Variants in SUSD1 observed in about 807,000 individuals in gnomAD.
SUSD1 encodes sushi domain-containing protein 1.
A neutral mutation model predicts 86.9 loss-of-function variants in SUSD1; 65 were observed. The ratio of observed to expected loss-of-function variants is 0.75; its 90% confidence interval spans 0.61 to 0.92. The LOEUF is 0.92. Ranked by LOEUF, SUSD1 falls within the 40% of genes least tolerant of loss-of-function variation. SUSD1 has a pLI of 0.00. For synonymous variants in SUSD1, 346 were observed against 350.0 expected, an observed-to-expected ratio of 0.99 and a Z score of 0.13; for missense variants, 850 against 929.7, an observed-to-expected ratio of 0.91 and a Z score of 1.11.
At chr9:112,104,842 G>T (rs1830770716) in intron 8 of SUSD1, 1 of 152,092 alleles carries the variant, frequency 6.6e-6, no homozygotes, top group Non-Finnish European at 1.5e-5. Flanking sequence ...GAATGGGGGG[G>T]AAAAACTGCA....
At chr9:112,068,069 G>A (rs547552307) in intron 12 of SUSD1, among the ~76,000 whole-genome samples, 1 of 152,268 alleles carries the variant, frequency 6.6e-6, no homozygotes, top group South Asian at 2.1e-4. Context: ...GTGCTAGGCT[G>A]GGGGAGACAA....
intron 5 of SUSD1, among the ~76,000 whole-genome samples, chr9:112,134,678 T>G (rs1832181075): frequency 6.6e-6 from 1 of 151,918 alleles, no homozygotes. Context: ...ACAGGATCAT[T>G]CATATCCCAA....
At chr9:112,161,820 C>CAAAAA (rs11354546) in intron 1 of SUSD1, among the ~76,000 whole-genome samples, 2 of 119,572 alleles carry the variant, frequency 1.7e-5, no homozygotes. Context: ...AGACTCCATC[C>CAAAAA]AAAAAAAAAA....
intron 1 of SUSD1, among the ~76,000 whole-genome samples, chr9:112,172,968 G>C (rs1834108295): frequency 6.6e-6 from 1 of 152,172 alleles, no homozygotes; most frequent in South Asian, 2.1e-4. Context: ...AGGAAGCCTT[G>C]ACTTCTGTTT....
chr9:112,064,853 G>A (rs902367311), intron 12 of SUSD1, among the ~76,000 whole-genome samples: 2 of 149,134 alleles, frequency 1.3e-5, no homozygotes, highest in Admixed American at 6.6e-5. Flanking sequence ...TCCAGCCTGG[G>A]TGACAGAGTG....
chr9:112,093,598 C>G lies in SUSD1; in HGVS notation c.1474+4872G>C, dbSNP rs540024818. 3.9e-5 allele frequency among the ~76,000 whole-genome samples: 6 copies of G among 152,276 alleles called. No homozygotes were observed. The East Asian group carries it at 1.2e-3, about 29-fold the overall frequency. On this transcript the variant is annotated intron_variant, in intron 10 of 16. Transcript: ENST00000374270. ...CTGAAATTCAGTTTTGGAGAGAGTT[C>G]CTGGAAACTTGCCCAGATCAATAAA...
chr9:112,122,872 A>T (rs1440331018), intron 6 of SUSD1, among the ~76,000 whole-genome samples: 1 of 152,222 alleles, frequency 6.6e-6, no homozygotes, highest in Non-Finnish European at 1.5e-5. Context: ...GCCAGTCTCA[A>T]ATGAACAAGT....
At chr9:112,084,033 G>A (rs1007978716) in intron 10 of SUSD1, among the ~76,000 whole-genome samples, 4 of 152,176 alleles carry the variant, frequency 2.6e-5, no homozygotes, top group Non-Finnish European at 5.9e-5. Flanking sequence ...ACAGCACTAT[G>A]AGCAACTATG....
At chr9:112,102,621 A>C (rs1830677516) in intron 8 of SUSD1, among the ~76,000 whole-genome samples, 1 of 152,236 alleles carries the variant, frequency 6.6e-6, no homozygotes, top group East Asian at 1.9e-4. Context: ...TAGAAAGTTA[A>C]TCCTATCGCT....
intron 1 of SUSD1, among the ~76,000 whole-genome samples, chr9:112,162,645 T>C (rs1269084393): frequency 6.6e-6 from 1 of 152,200 alleles, no homozygotes; most frequent in Non-Finnish European, 1.5e-5. Flanking sequence ...CTTAAAGCTG[T>C]TGGAACTTTA....
rs530701841 is a variant in SUSD1 at position 112,078,296 on chromosome 9, A to T, written c.1753+242T>A. Among the ~76,000 whole-genome samples the T allele has an allele frequency of 6.6e-5, 10 of 152,322 alleles. No individual in the cohort carries two copies. The South Asian group carries it at 1.7e-3, about 25-fold the overall frequency. ...CAGGTCAAGGCTGCAGTGAGCCATG[A>T]TCGTGCCTCTGCACTCCAGCCTGGG... On this transcript the variant is annotated intron_variant, in intron 12 of 16. Transcript: ENST00000374270.
At position 112,149,320 on chromosome 9, in the gene SUSD1, A is replaced by G. The variant is rs145410238; in HGVS notation, c.297T>C (p.Tyr99=). The G allele has an allele frequency of 1.1e-3, 1,818 of 1,614,174 alleles. 2 individuals carry two copies. The highest frequency in any genetic ancestry group is 1.5e-3 in the Non-Finnish European group (1,748 of 1,180,030). Reference sequence around the variant, plus strand: ...CTCGATATCCTTCCAGGCAAATGCAATAGAAGCCCCCGGGGGTGTTGTGGC... The same window carrying G: ...CTCGATATCCTTCCAGGCAAATGCAGTAGAAGCCCCCGGGGGTGTTGTGGC... ...TSCHNTPGGF[Y]CICLEGYRAT... is the part of the protein sequence containing the mutation. Residue 99 remains tyrosine, a synonymous_variant, in exon 3 of 17, where the codon TAT becomes TAC. Transcript: ENST00000374270.
At chr9:112,147,237 T>G (rs957268660) in intron 3 of SUSD1, among the ~76,000 whole-genome samples, 3 of 152,202 alleles carry the variant, frequency 2.0e-5, no homozygotes, top group Non-Finnish European at 4.4e-5. Context: ...CCAGGCGTGG[T>G]GGCTCACGTC....
chr9:112,058,481 T>A lies in SUSD1; in HGVS notation c.2056A>T (p.Lys686Ter). 1 of 1,614,156 alleles carries A rather than the reference T, an allele frequency of 6.2e-7. No homozygotes were observed. Among genetic ancestry groups the A allele is most frequent in the South Asian group, 1.1e-5 (1 of 91,086 alleles). ...ATAATGCAGTAATCACTCCCTCTTT[T>A]CAAGGGTGCATTATAATATTCCCCA... ...YYGEYYNAPL[K>*]RGSDYCIILR... is the part of the protein sequence containing the mutation. The change falls in exon 14 of 17, where the codon AAA becomes TAA. Residue 686 changes from lysine to a stop codon, truncating the protein, a stop_gained. Transcript: ENST00000374270. LOFTEE classifies it high-confidence loss of function.
At chr9:112,150,600 A>C (rs1288877408) in intron 2 of SUSD1, among the ~76,000 whole-genome samples, 1 of 152,202 alleles carries the variant, frequency 6.6e-6, no homozygotes, top group African/African-American at 2.4e-5. Flanking sequence ...GATTGTGGGA[A>C]CATCATAGGG....
intron 5 of SUSD1, among the ~76,000 whole-genome samples, chr9:112,130,263 C>T (rs1025601577): frequency 6.6e-6 from 1 of 152,002 alleles, no homozygotes; most frequent in Non-Finnish European, 1.5e-5. Flanking sequence ...ATCCCAGCTA[C>T]CTGGTAGGTT....
intron 12 of SUSD1, among the ~76,000 whole-genome samples, chr9:112,070,779 G>A (rs560737335): frequency 4.7e-4 from 71 of 152,216 alleles, no homozygotes; most frequent in African/African-American, 1.4e-3. Context: ...TAAAGTACAC[G>A]CACAGGACAG....
intron 8 of SUSD1, among the ~76,000 whole-genome samples, chr9:112,106,262 C>T (rs1830835650): frequency 6.6e-6 from 1 of 151,928 alleles, no homozygotes; most frequent in East Asian, 1.9e-4. Flanking sequence ...CATGAGCCAC[C>T]ACACCTGGCC....
chr9:112,059,521 G>A (rs1828617346), intron 13 of SUSD1, among the ~76,000 whole-genome samples: 2 of 152,158 alleles, frequency 1.3e-5, no homozygotes, highest in Non-Finnish European at 2.9e-5. Flanking sequence ...TTCATGGGCT[G>A]ATACCAAAGT....
Sources: gnomAD v4.1 joint callset for allele counts (sites outside exome capture counted in the v4.1 genomes callset) on GRCh38, gnomAD v4.1.1 for gene constraint, MANE v1.5 for transcripts, NCBI Gene and HGNC (gene_info 2026-07-23, HGNC 2026-07-21) for gene names.